The following MAF variants were observed in gnomAD, a reference collection of about 807,000 sequenced individuals.
MAF encodes transcription factor Maf.
Under a neutral mutation model 22.0 loss-of-function variants are expected in MAF, and 10 were observed. That is an observed-to-expected ratio of 0.45 (90% CI 0.28 to 0.77). The LOEUF is 0.77. Ranked by LOEUF, MAF falls within the 30% of genes least tolerant of loss-of-function variation. The pLI is 0.12. For missense variants in MAF, 544 were observed against 548.4 expected (o/e 0.99, Z 0.08); for synonymous variants, 337 against 255.8 (o/e 1.32, Z -3.03).
the MAF span, among the ~76,000 whole-genome samples, chr16:79,410,408 C>T: frequency 2.6e-5 from 4 of 152,262 alleles, no homozygotes; most frequent in African/African-American, 9.6e-5. Flanking sequence ...TTGAACTGAG[C>T]AACTGCGAAC....
At chr16:79,452,922 G>C in the MAF span, among the ~76,000 whole-genome samples, 1 of 152,200 alleles carries the variant, frequency 6.6e-6, no homozygotes, top group Non-Finnish European at 1.5e-5. Context: ...CAGGCGAGCT[G>C]CCTGTTATAT....
chr16:79,369,545 G>T, the MAF span, among the ~76,000 whole-genome samples: 4 of 152,292 alleles, frequency 2.6e-5, no homozygotes, highest in Non-Finnish European at 5.9e-5. Context: ...TCATCTGTTT[G>T]TTTGCAAATA....
chr16:79,521,385 G>C, the MAF span, among the ~76,000 whole-genome samples: 11 of 152,284 alleles, frequency 7.2e-5, no homozygotes, highest in South Asian at 1.9e-3. Context: ...CTTTAAAAAG[G>C]AAAAATAAAG....
At chr16:79,374,042 GCC>G in the MAF span, among the ~76,000 whole-genome samples, 1 of 151,974 alleles carries the variant, frequency 6.6e-6, no homozygotes, top group Non-Finnish European at 1.5e-5. Context: ...CATTGGTTTG[GCC>G]CAACAATCAA....
the MAF span, among the ~76,000 whole-genome samples, chr16:79,240,709 C>T: frequency 3.1e-4 from 47 of 151,808 alleles, no homozygotes; most frequent in African/African-American, 1.1e-3. Flanking sequence ...GGTCAGACTG[C>T]CTCCTCAAGT....
chr16:79,220,257 A>AG, the MAF span, among the ~76,000 whole-genome samples: 2 of 150,318 alleles, frequency 1.3e-5, no homozygotes, highest in Non-Finnish European at 3.0e-5. Context: ...CTCCATCTCA[A>AG]AAAAAAAAAA....
the MAF span, among the ~76,000 whole-genome samples, chr16:79,228,801 G>T: frequency 3.5e-3 from 539 of 152,008 alleles, 8 homozygotes; most frequent in Non-Finnish European, 6.7e-3. Context: ...TAGGGCAGGG[G>T]GAGGTCCGCT....
chr16:79,549,803 T>C, the MAF span, among the ~76,000 whole-genome samples: 4 of 152,138 alleles, frequency 2.6e-5, no homozygotes, highest in East Asian at 3.9e-4. Flanking sequence ...ACCCTACAGA[T>C]TGAATCTAGG....
rs78539937 is a variant in MAF at position 79,596,494 on chromosome 16, G to A, written c.1119-1941C>T. ...GAGTACAGAATCAAAAAAAAATGCC[G>A]TTTATTATTGTAGATTATTCTTTTC... On this transcript the variant is annotated intron_variant, in intron 1 of 1. Transcript: ENST00000326043. 3.9e-3 allele frequency: 4,109 copies of A among 1,049,908 alleles called. 102 individuals carry two copies. In the African/African-American group the frequency reaches 0.06, roughly 15 times the overall value. The allele number at this position is 1,049,908 out of a possible 1,614,324, so 65.0% of individuals were successfully genotyped here.
chr16:79,346,638 T>C, the MAF span, among the ~76,000 whole-genome samples: 1 of 145,656 alleles, frequency 6.9e-6, no homozygotes, highest in African/African-American at 2.5e-5. Flanking sequence ...GAGGTGAAAG[T>C]AAGTGTTGTG....
At chr16:79,583,812 C>T (rs1912674775), downstream of MAF, among the ~76,000 whole-genome samples, 1 of 152,134 alleles carries the variant, frequency 6.6e-6, no homozygotes, top group East Asian at 1.9e-4. Flanking sequence ...AAAGATGGTA[C>T]CATGGAAAAA....
At chr16:79,299,347 GAAAAAAA>G in the MAF span, among the ~76,000 whole-genome samples, 2 of 86,846 alleles carry the variant, frequency 2.3e-5, no homozygotes, top group Non-Finnish European at 5.0e-5. Context: ...CAAAGAAAAA[GAAAAAAA>G]AAAAAAAAGA....
the MAF span, among the ~76,000 whole-genome samples, chr16:79,295,818 C>A: frequency 6.6e-6 from 1 of 152,202 alleles, no homozygotes; most frequent in Non-Finnish European, 1.5e-5. Flanking sequence ...CCAGTGGCTC[C>A]TAAGGCAGGG....
chr16:79,408,093 A>AAAAAAC, the MAF span, among the ~76,000 whole-genome samples: 1 of 151,238 alleles, frequency 6.6e-6, no homozygotes, highest in African/African-American at 2.4e-5. Context: ...AAAAAAAAAA[A>AAAAAAC]AAAAAAACCT....
chr16:79,296,520 TAAATA>T, the MAF span, among the ~76,000 whole-genome samples: 71 of 152,278 alleles, frequency 4.7e-4, no homozygotes, highest in East Asian at 3.9e-3. Context: ...TCCTGGAACT[TAAATA>T]AAATAATTTT....
the MAF span, among the ~76,000 whole-genome samples, chr16:79,218,072 T>C: frequency 7.0e-6 from 1 of 143,554 alleles, no homozygotes; most frequent in Non-Finnish European, 1.5e-5. Context: ...TCTTTCAATA[T>C]ATCCAAGCTA....
At chr16:79,470,051 C>T in the MAF span, among the ~76,000 whole-genome samples, 4 of 152,350 alleles carry the variant, frequency 2.6e-5, no homozygotes, top group East Asian at 3.9e-4. Flanking sequence ...TCCTTCTGCT[C>T]GCCATCCTCC....
chr16:79,353,022 G>T, the MAF span, among the ~76,000 whole-genome samples: 1 of 152,026 alleles, frequency 6.6e-6, no homozygotes, highest in African/African-American at 2.4e-5. Context: ...CGAGAGAGGG[G>T]AGAGAGACAC....
At chr16:79,439,299 C>T in the MAF span, among the ~76,000 whole-genome samples, 1 of 145,002 alleles carries the variant, frequency 6.9e-6, no homozygotes, top group Non-Finnish European at 1.5e-5. Flanking sequence ...TCTTGCTCTG[C>T]CACCCAGGCT....
Sources: gnomAD v4.1 joint callset for allele counts (sites outside exome capture counted in the v4.1 genomes callset) on GRCh38, gnomAD v4.1.1 for gene constraint, MANE v1.5 for transcripts, NCBI Gene and HGNC (gene_info 2026-07-23, HGNC 2026-07-21) for gene names.